ZMAT1: variants seen among roughly 807,000 people sequenced by gnomAD.
ZMAT1 encodes the protein zinc finger matrin-type 1, also known as zinc finger matrin-type protein 1.
Under a neutral mutation model 18.5 loss-of-function variants are expected in ZMAT1, and 11 were observed. The observed-to-expected ratio is 0.59, with a 90% CI of 0.37 to 0.98. The LOEUF (loss-of-function observed/expected upper bound fraction) is 0.98, where lower values mean the gene tolerates loss of function less well. Ranked by LOEUF, ZMAT1 falls within the 50% of genes least tolerant of loss-of-function variation. The pLI is 0.01. For missense variants in ZMAT1, 525 were observed against 496.2 expected, an observed-to-expected ratio of 1.06 and a Z score of -0.55; for synonymous variants, 211 against 176.4, an observed-to-expected ratio of 1.20 and a Z score of -1.55.
chrX:101,884,860 T>A, intron 5 of ZMAT1, 39 bp from the exon 6 acceptor site: 1 of 773,216 alleles, frequency 1.3e-6, no homozygotes, highest in Non-Finnish European at 1.8e-6. Flanking sequence ...TTAGATTATT[T>A]TATTCTAAAT....
At chrX:101,888,440 G>A (rs960127107) in intron 4 of ZMAT1, 6 of 111,692 alleles carry the variant, frequency 5.4e-5, no homozygotes, top group African/African-American at 2.0e-4. Flanking sequence ...CTCTGGATTA[G>A]TGGTTCTCAA....
chrX:101,888,926 A>AC (rs1392391286), intron 4 of ZMAT1: 6 of 111,584 alleles, frequency 5.4e-5, no homozygotes, highest in African/African-American at 2.0e-4. Context: ...TAGTGCTTAT[A>AC]AAGTATACTG....
chrX:101,884,106 C>G lies in ZMAT1; in HGVS notation c.1492G>C (p.Glu498Gln). The stretch of plus-strand genomic sequence containing the variant: ...AAAGTCTCACATGGGAGCTTTTGCT[C>G]CAACATTCTATGTCTGGGTCTGACA... ...VDVRPRHRML[E>Q]QKLPCETFQT... is the part of the protein sequence containing the mutation. Residue 498 changes from glutamate to glutamine, a missense_variant, in exon 6 of 6, where the codon GAG (glutamate) becomes CAG (glutamine). Transcript: ENST00000651725. The G allele has an allele frequency of 8.3e-7, 1 of 1,209,289 alleles. No individual in the cohort carries two copies. The highest frequency in any genetic ancestry group is 1.1e-6 in the Non-Finnish European group (1 of 895,027).
chrX:101,910,980 A>T (rs1928925059), intron 1 of ZMAT1, among the ~76,000 whole-genome samples: 1 of 111,394 alleles, frequency 9.0e-6, no homozygotes, highest in African/African-American at 3.3e-5. Flanking sequence ...CAAGGCATTT[A>T]ATAATCAAGT....
chrX:101,896,207 TATG>T (rs1334709111), intron 4 of ZMAT1, among the ~76,000 whole-genome samples: 3 of 112,163 alleles, frequency 2.7e-5, no homozygotes, highest in African/African-American at 9.7e-5. Context: ...GGATAAAACA[TATG>T]ATATTAACTT....
intron 1 of ZMAT1, among the ~76,000 whole-genome samples, chrX:101,924,459 A>G (rs987945788): frequency 6.2e-5 from 7 of 112,226 alleles, no homozygotes; most frequent in African/African-American, 2.3e-4. Context: ...TAATGACACA[A>G]AGGCATGCTC....
At chrX:101,886,557 A>G (rs1926961179) in intron 5 of ZMAT1, 75 bp downstream of exon 5, 1 of 717,018 alleles carries the variant, frequency 1.4e-6, no homozygotes, top group African/African-American at 2.2e-5. Context: ...AGAAGTTTGT[A>G]AAATACATCA....
intron 1 of ZMAT1, among the ~76,000 whole-genome samples, chrX:101,926,374 G>A (rs1191451566): frequency 8.9e-6 from 1 of 112,425 alleles, no homozygotes; most frequent in Admixed American, 9.5e-5. Context: ...GCACTATTAT[G>A]TGAAAGTAAA....
At chrX:101,906,064 A>C (rs762381323) in intron 1 of ZMAT1, among the ~76,000 whole-genome samples, 1 of 110,772 alleles carries the variant, frequency 9.0e-6, no homozygotes, top group East Asian at 2.9e-4. Flanking sequence ...AGGAGAGGGA[A>C]GTGAGCACTG....
chrX:101,890,084 A>G (rs1404286660), intron 4 of ZMAT1: 1 of 111,762 alleles, frequency 8.9e-6, no homozygotes, highest in Non-Finnish European at 1.9e-5. Context: ...GAGTCACATT[A>G]TTTTCATTTT....
chrX:101,922,679 A>G (rs11092351), intron 1 of ZMAT1, among the ~76,000 whole-genome samples: 49,509 of 110,252 alleles, frequency 0.45, 8,666 homozygotes, highest in African/African-American at 0.59. Flanking sequence ...AGGCAAGGCT[A>G]ATCTTAAAAA....
chrX:101,883,415 T>G lies in ZMAT1; in HGVS notation c.*95A>C. ...GTCCTGAAGTGACACTGACTGTATC[T>G]ACCTCTCCTTTTCTTCATCAGGTGT... On this transcript the variant is annotated 3_prime_UTR_variant, in exon 6 of 6. Coordinates refer to ENST00000651725, the MANE Select transcript of ZMAT1 (RefSeq NM_001394560.1). The G allele has an allele frequency of 1.4e-6, 1 of 710,062 alleles. No individual in the cohort carries two copies. Among genetic ancestry groups the G allele is most frequent in the Non-Finnish European group, 2.0e-6 (1 of 493,999 alleles). The allele number at this position is 710,062 out of a possible 1,213,427, so 58.5% of individuals were successfully genotyped here.
intron 1 of ZMAT1, among the ~76,000 whole-genome samples, chrX:101,925,399 A>G (rs1220476711): frequency 1.8e-5 from 2 of 112,277 alleles, no homozygotes; most frequent in Non-Finnish European, 1.9e-5. Context: ...ATGACCTAAG[A>G]AAATAAATCT....
chrX:101,899,504 A>C (rs1338890047), intron 2 of ZMAT1, among the ~76,000 whole-genome samples: 1 of 111,367 alleles, frequency 9.0e-6, no homozygotes, highest in Non-Finnish European at 1.9e-5. Flanking sequence ...CATCATTCTT[A>C]TGCCTTGCAT....
chrX:101,919,964 A>T (rs1431124681), intron 1 of ZMAT1, among the ~76,000 whole-genome samples: 1 of 110,136 alleles, frequency 9.1e-6, no homozygotes, highest in East Asian at 2.8e-4. Context: ...AGAATAGAAG[A>T]GGTATATCAA....
intron 4 of ZMAT1, chrX:101,894,647 C>A: frequency 1.7e-6 from 1 of 592,068 alleles, no homozygotes; most frequent in Non-Finnish European, 2.0e-6. Flanking sequence ...CATGGGAATA[C>A]CTACATTTAG....
chrX:101,894,442 G>A, intron 4 of ZMAT1: 4 of 753,939 alleles, frequency 5.3e-6, no homozygotes, highest in Non-Finnish European at 4.7e-6. Flanking sequence ...GTGTTTGGGG[G>A]TTCATAGTTA....
At position 101,883,842 on chromosome X, in the gene ZMAT1, C is replaced by G; in HGVS notation, c.1756G>C (p.Asp586His). 1 of 1,210,284 alleles carries G rather than the reference C, an allele frequency of 8.3e-7. No homozygotes were observed. Among genetic ancestry groups the G allele is most frequent in the Non-Finnish European group, 1.1e-6 (1 of 895,018 alleles). Residue 586 changes from aspartate to histidine, a missense_variant, in exon 6 of 6, where the codon GAC becomes CAC. Asp to His is a moderately conservative substitution (Grantham distance 81, BLOSUM62 -1). Transcript: ENST00000651725. Reference sequence around the variant, plus strand: ...TTCCGTTTATGACCTGCTTGATGGTCAGCAGTATTGTTTTCTGAAGAGAGG... The same window carrying G: ...TTCCGTTTATGACCTGCTTGATGGTGAGCAGTATTGTTTTCTGAAGAGAGG... ...KHLSSENNTADHQAGHKRKHQ... is the reference protein window; with the variant it reads ...KHLSSENNTAHHQAGHKRKHQ...
chrX:101,931,428 T>A, intron 1 of ZMAT1: 1 of 751,170 alleles, frequency 1.3e-6, no homozygotes, highest in South Asian at 6.8e-5. Context: ...AATTATGTGG[T>A]ATTTTTTTTT....
Sources: gnomAD v4.1 joint callset for allele counts (sites outside exome capture counted in the v4.1 genomes callset) on GRCh38, gnomAD v4.1.1 for gene constraint, MANE v1.5 for transcripts, NCBI Gene and HGNC (gene_info 2026-07-23, HGNC 2026-07-21) for gene names.